The following OGFOD3 variants were observed in gnomAD, a reference collection of about 807,000 sequenced individuals.
The protein encoded by OGFOD3 is 2-oxoglutarate and iron dependent oxygenase domain containing 3.
Under a neutral mutation model 39.8 loss-of-function variants are expected in OGFOD3, and 35 were observed. The observed-to-expected ratio is 0.88, with a 90% confidence interval of 0.67 to 1.17. OGFOD3 has a LOEUF of 1.17. Among genes scored for constraint, OGFOD3 ranks in the 50% most tolerant of loss-of-function variants. OGFOD3 has a pLI of 0.00. For missense variants in OGFOD3, 438 were observed against 454.5 expected (o/e 0.96, Z 0.33); for synonymous variants, 200 against 192.0 (o/e 1.04, Z -0.34).
At chr17:82,413,787 C>T (rs1223632900) in intron 2 of OGFOD3, among the ~76,000 whole-genome samples, 2 of 150,632 alleles carry the variant, frequency 1.3e-5, no homozygotes, top group African/African-American at 4.9e-5. Context: ...AGGAGAATCA[C>T]TTGAACCCAA....
At chr17:82,397,268 G>A (rs978075523) in intron 8 of OGFOD3, among the ~76,000 whole-genome samples, 13 of 151,978 alleles carry the variant, frequency 8.6e-5, no homozygotes, top group Non-Finnish European at 1.5e-4. Context: ...AGGAACACCC[G>A]TGCTGAGAGG....
At chr17:82,409,558 A>C (rs2052911456) in intron 3 of OGFOD3, 148 bp from the exon 4 acceptor site, 4 of 728,982 alleles carry the variant, frequency 5.5e-6, no homozygotes, top group Non-Finnish European at 9.4e-6. Flanking sequence ...AGACCAAAGG[A>C]CTCAACTTTC....
chr17:82,409,242 CG>C, intron 4 of OGFOD3, 125 bp downstream of exon 4: 1 of 906,504 alleles, frequency 1.1e-6, no homozygotes, highest in Non-Finnish European at 1.8e-6. Context: ...AGAAACACCA[CG>C]GCAGGCCCCA....
In OGFOD3 at chr17:82,390,759, T is replaced by G. The variant is rs1394971904; in HGVS notation, c.*1639A>C. 2.4e-5 allele frequency: 4 copies of G among 169,582 alleles called. No homozygotes were observed. The highest frequency in any genetic ancestry group is 5.1e-5 in the Non-Finnish European group (4 of 78,030). The allele number at this position is 169,582 out of a possible 1,614,324, so 10.5% of individuals were successfully genotyped here. A position where few individuals can be genotyped will look rare whatever the true frequency, so the allele number is the denominator to read the frequency against. On this transcript the variant is annotated 3_prime_UTR_variant, in exon 9 of 9. Coordinates refer to ENST00000313056, the MANE Select transcript of OGFOD3 (RefSeq NM_024648.3). This position sits in a 1 kb window ranked among gnomAD's most constrained non-coding sequence, Gnocchi z 4.9. The stretch of plus-strand genomic sequence containing the variant: ...ATGCCTCAGCTGGCCTCACGCCCGC[T>G]CCTTCCCAGGGGTCACCATGCCTCA...
At chr17:82,412,583 G>C (rs1324083438) in intron 2 of OGFOD3, among the ~76,000 whole-genome samples, 2 of 150,564 alleles carry the variant, frequency 1.3e-5, no homozygotes, top group Non-Finnish European at 3.0e-5. Context: ...GTTTGGGGCA[G>C]GGGCAGGGTG....
chr17:82,412,112 GA>G (rs979689355), intron 2 of OGFOD3, among the ~76,000 whole-genome samples: 1 of 150,110 alleles, frequency 6.7e-6, no homozygotes, highest in African/African-American at 2.4e-5. Flanking sequence ...CACTGGAGCA[GA>G]AAACCCTCCT....
At chr17:82,395,744 C>T (rs2052662136) in intron 8 of OGFOD3, among the ~76,000 whole-genome samples, 2 of 152,168 alleles carry the variant, frequency 1.3e-5, no homozygotes, top group Admixed American at 1.3e-4. Flanking sequence ...TGGCGTGAAT[C>T]CGGGAGGCGG....
intron 8 of OGFOD3, chr17:82,396,878 GAC>G (rs1443726879): frequency 2.0e-5 from 3 of 152,298 alleles, no homozygotes; most frequent in African/African-American, 7.2e-5. Context: ...GTGAGGCCAG[GAC>G]ACAGTCAGGC....
At chr17:82,411,940 C>G (rs914127265) in intron 2 of OGFOD3, among the ~76,000 whole-genome samples, 1 of 152,088 alleles carries the variant, frequency 6.6e-6, no homozygotes, top group African/African-American at 2.4e-5. Context: ...CTCCTGAGAC[C>G]ACCAGGGAGG....
chr17:82,399,791 C>T (rs1200483860), intron 7 of OGFOD3, among the ~76,000 whole-genome samples: 3 of 152,190 alleles, frequency 2.0e-5, no homozygotes, highest in Admixed American at 2.0e-4. Flanking sequence ...CAGCTGGGGC[C>T]ACGCCCTGGG....
intron 8 of OGFOD3, among the ~76,000 whole-genome samples, chr17:82,397,402 G>A (rs1427223910): frequency 9.2e-5 from 2 of 21,744 alleles, no homozygotes; most frequent in African/African-American, 2.7e-4. Flanking sequence ...GTGAGGCAGC[G>A]GGGGGGGGGG....
chr17:82,394,161 T>C (rs1400584113), intron 8 of OGFOD3, among the ~76,000 whole-genome samples: 1 of 151,508 alleles, frequency 6.6e-6, no homozygotes, highest in Non-Finnish European at 1.5e-5. Context: ...AGCTAATTTT[T>C]TTGTACTTTT....
Position 82,415,899 on chromosome 17 carries a change from A to G in OGFOD3, c.75-272T>C, listed in dbSNP as rs1209920807. ...TAGAGACTCATGGGTTTTAAGCAAA[A>G]GAAAAAAAAAAAAAAAGCCAGACAT... On this transcript the variant is annotated intron_variant, in intron 1 of 8. Coordinates refer to ENST00000313056, the MANE Select transcript of OGFOD3 (RefSeq NM_024648.3). The surrounding 1 kb of genome is among the most constrained non-coding windows in gnomAD (Gnocchi z 5.3). 6.7e-6 allele frequency among the ~76,000 whole-genome samples: 1 copy of G among 148,676 alleles called. No homozygotes were observed. Among genetic ancestry groups the G allele is most frequent in the Non-Finnish European group, 1.5e-5 (1 of 67,350 alleles).
chr17:82,407,652 C>T (rs1351309299), intron 4 of OGFOD3, among the ~76,000 whole-genome samples: 1 of 152,250 alleles, frequency 6.6e-6, no homozygotes, highest in Non-Finnish European at 1.5e-5. Flanking sequence ...CCTTCCTCAT[C>T]GCCACAGCCA....
rs1369752370 is a variant in OGFOD3 at position 82,415,004 on chromosome 17, C to T, written c.304+394G>A. On this transcript the variant is annotated intron_variant, in intron 2 of 8. Coordinates refer to ENST00000313056, the MANE Select transcript of OGFOD3 (RefSeq NM_024648.3). This position sits in a 1 kb window ranked among gnomAD's most constrained non-coding sequence, Gnocchi z 5.3. ...CCGCATCTCTCAGGCCCAGGCAGAA[C>T]GGGAGCGGGGGAGGGGAGCTGGGGC... 2.6e-5 allele frequency among the ~76,000 whole-genome samples: 4 copies of T among 152,140 alleles called. No individual in the cohort carries two copies. Among genetic ancestry groups the T allele is most frequent in the Non-Finnish European group, 4.4e-5 (3 of 68,030 alleles).
Position 82,415,755 on chromosome 17 carries a change from C to T in OGFOD3, c.75-128G>A. 1.3e-6 allele frequency: 1 copy of T among 789,662 alleles called. No individual in the cohort carries two copies. Among genetic ancestry groups the T allele is most frequent in the Non-Finnish European group, 2.0e-6 (1 of 506,986 alleles). The allele number at this position is 789,662 out of a possible 1,614,324, so 48.9% of individuals were successfully genotyped here. On this transcript the variant is annotated intron_variant, in intron 1 of 8. Coordinates refer to ENST00000313056, the MANE Select transcript of OGFOD3 (RefSeq NM_024648.3). The surrounding 1 kb of genome is among the most constrained non-coding windows in gnomAD (Gnocchi z 5.3). Reference sequence around the variant, plus strand: ...CACGTCACCCCTGAAACGAGGGCTTCCTGCCTGGGGCCAGCGCTGTCCACT... The same window carrying T: ...CACGTCACCCCTGAAACGAGGGCTTTCTGCCTGGGGCCAGCGCTGTCCACT...
intron 3 of OGFOD3, among the ~76,000 whole-genome samples, chr17:82,411,030 T>C (rs2052933707): frequency 6.6e-6 from 1 of 150,748 alleles, no homozygotes; most frequent in Non-Finnish European, 1.5e-5. Flanking sequence ...TGGAAATTCT[T>C]ATAAAATTAT....
At chr17:82,408,930 G>A (rs1358959864) in intron 4 of OGFOD3, among the ~76,000 whole-genome samples, 6 of 152,174 alleles carry the variant, frequency 3.9e-5, no homozygotes, top group South Asian at 4.1e-4. Context: ...CCATGGAGGC[G>A]TCCAGCTAGG....
rs191470730 is a variant in OGFOD3 at position 82,406,443 on chromosome 17, C to T, written c.463G>A (p.Gly155Arg). Residue 155 changes from glycine (G) to arginine (R), a missense_variant, in exon 5 of 9, where the codon GGG (glycine) becomes AGG (arginine). Gly to Arg is a moderately radical substitution (Grantham distance 125). Transcript: ENST00000313056. This position sits in a 1 kb window ranked among gnomAD's most constrained non-coding sequence, Gnocchi z 5.2. ...CTGTACAGGTTCACAAAGTGCTTCCCGACAGACAGGGCCCCTGAGTGCAAG... is the reference window on the plus strand; with the variant it reads ...CTGTACAGGTTCACAAAGTGCTTCCTGACAGACAGGGCCCCTGAGTGCAAG... Reference protein sequence around the residue: ...LDLHSGALSVGKHFVNLYRYF... With the variant: ...LDLHSGALSVRKHFVNLYRYF... 9.7e-5 allele frequency: 156 copies of T among 1,614,142 alleles called. No homozygotes were observed. The highest frequency in any genetic ancestry group is 6.7e-5 in the Admixed American group (4 of 60,022).
Sources: gnomAD v4.1 joint callset for allele counts (sites outside exome capture counted in the v4.1 genomes callset) on GRCh38, gnomAD v4.1.1 for gene constraint, Gnocchi (gnomAD v3.1) non-coding constraint, MANE v1.5 for transcripts, NCBI Gene and HGNC (gene_info 2026-07-23, HGNC 2026-07-21) for gene names.